MEAK7: variants seen among roughly 807,000 people sequenced by gnomAD.
The protein encoded by MEAK7 is MTOR associated protein MEAK7, also known as MTOR-associated protein MEAK7.
In MEAK7, 68 loss-of-function variants were observed where a neutral mutation model predicts 40.5. The observed-to-expected ratio is 1.68, with a 90% CI of 1.38 to 2.06. The LOEUF is 2.06. Ranked by LOEUF, MEAK7 falls within the 30% of genes most tolerant of loss-of-function variation. The probability of loss-of-function intolerance (pLI) is 0.00; values close to 1 mark genes in which losing one functional copy is unlikely to be tolerated. For synonymous variants in MEAK7, 338 were observed against 231.9 expected (o/e 1.46, Z -4.16); for missense variants, 918 against 580.5 (o/e 1.58, Z -5.98).
Position 84,479,762 on chromosome 16 carries a change from G to A in MEAK7, c.*151C>T. On this transcript the variant is annotated 3_prime_UTR_variant, in exon 8 of 8. Transcript: ENST00000343629. Reference sequence around the variant, plus strand: ...CATGAGTCAGGACATGGCTTCAGAGGGCGTCTTCTTGGCACATGTGGGACT... The same window carrying A: ...CATGAGTCAGGACATGGCTTCAGAGAGCGTCTTCTTGGCACATGTGGGACT... 2.2e-6 allele frequency: 1 copy of A among 461,292 alleles called. No individual in the cohort carries two copies. The highest frequency in any genetic ancestry group is 3.9e-6 in the Non-Finnish European group (1 of 259,608). 28.6% of individuals were successfully genotyped at this position (461,292 alleles called of 1,614,324 possible). A position where few individuals can be genotyped will look rare whatever the true frequency, so the allele number is the denominator to read the frequency against.
intron 5 of MEAK7, among the ~76,000 whole-genome samples, 157 bp from the exon 6 acceptor site, chr16:84,482,867 T>C (rs1912700937): frequency 6.6e-6 from 1 of 152,112 alleles, no homozygotes; most frequent in African/African-American, 2.4e-5. Flanking sequence ...GACAAGCTGC[T>C]AGGGACCCAG....
chr16:84,503,988 C>A, intron 1 of MEAK7: 1 of 985,556 alleles, frequency 1.0e-6, no homozygotes, highest in East Asian at 1.1e-4. Flanking sequence ...CCAACTGCCT[C>A]ATCTGGACAG....
rs1913999191 is a variant in MEAK7 at position 84,495,852 on chromosome 16, C to G, written c.215G>C (p.Arg72Thr). 1.9e-6 allele frequency: 3 copies of G among 1,613,984 alleles called. No homozygotes were observed. Among genetic ancestry groups the G allele is most frequent in the Non-Finnish European group, 2.5e-6 (3 of 1,180,032 alleles). Residue 72 changes from arginine (R) to threonine (T), a missense_variant, in exon 3 of 8, where the codon AGG becomes ACG. Physicochemically the swap from Arg to Thr is moderately conservative, Grantham distance 71. Transcript: ENST00000343629. ...MVTRLYDGMR[R>T]VDLTGKAKGP... ...CTTCGCCTTCCCTGTCAGGTCGACCCTCCGCATGCCATCATACAGCCTGGT... is the reference window on the plus strand; with the variant it reads ...CTTCGCCTTCCCTGTCAGGTCGACCGTCCGCATGCCATCATACAGCCTGGT...
At position 84,482,607 on chromosome 16, in the gene MEAK7, C is replaced by T. The variant is rs756537974; in HGVS notation, c.1062G>A (p.Thr354=). ...HYMYLNHGQQ[T]IPNGLGMGGQ... ...CCGGGCTCACCAGTCCGTTCGGGATCGTCTGCTGTCCATGGTTCAAGTACA... is the reference window on the plus strand; with the variant it reads ...CCGGGCTCACCAGTCCGTTCGGGATTGTCTGCTGTCCATGGTTCAAGTACA... Residue 354 remains threonine (T), a synonymous_variant, in exon 6 of 8, where the codon ACG becomes ACA. Coordinates refer to ENST00000343629, the MANE Select transcript of MEAK7 (RefSeq NM_020947.4). 13 of 1,614,124 alleles carry T rather than the reference C, an allele frequency of 8.1e-6. No individual in the cohort carries two copies. Among genetic ancestry groups the T allele is most frequent in the Admixed American group, 1.7e-5 (1 of 60,012 alleles).
At chr16:84,499,807 C>T (rs1292156287) in intron 1 of MEAK7, 2 of 152,202 alleles carry the variant, frequency 1.3e-5, no homozygotes, top group Admixed American at 6.5e-5. Flanking sequence ...GAGGCCAAGG[C>T]AGGAGAATCA....
rs920070209 is a variant in MEAK7 at position 84,486,539 on chromosome 16, G to A, written c.958+92C>T. 118 of 1,493,876 alleles carry A rather than the reference G, an allele frequency of 7.9e-5. 5 individuals are homozygous for A. The South Asian group carries it at 1.1e-3, about 14-fold the overall frequency. The allele number at this position is 1,493,876 out of a possible 1,614,324, so 92.5% of individuals were successfully genotyped here. ...AGAGAAACACTTGGAGAAGATGGGAGAGCCCTATTTAGCACCCCCACCCTC... is the reference window on the plus strand; with the variant it reads ...AGAGAAACACTTGGAGAAGATGGGAAAGCCCTATTTAGCACCCCCACCCTC... On this transcript the variant is annotated intron_variant, in intron 5 of 7. Transcript: ENST00000343629.
intron 3 of MEAK7, chr16:84,494,858 A>G (rs1165090982): frequency 6.7e-6 from 3 of 451,024 alleles, no homozygotes; most frequent in South Asian, 3.2e-5. Context: ...GGAAAAAATA[A>G]AAACTCAGGA....
chr16:84,504,532 C>T, intron 1 of MEAK7, 69 bp downstream of exon 1: 2 of 942,370 alleles, frequency 2.1e-6, no homozygotes, highest in Non-Finnish European at 2.5e-6. Context: ...CCGTCTGCTC[C>T]AGTCCCCCGA....
intron 4 of MEAK7, 125 bp from the exon 5 acceptor site, chr16:84,487,184 C>T: frequency 1.2e-5 from 11 of 914,712 alleles, no homozygotes; most frequent in Non-Finnish European, 1.7e-5. Context: ...GAAAACAGGG[C>T]TCGTGTGAAT....
Position 84,487,027 on chromosome 16 carries a change from C to A in MEAK7, c.562G>T (p.Asp188Tyr), listed in dbSNP as rs1193430994. ...ATCACAGCTCGGTCACAGTCATAGT[C>A]CAGCCACTGGGGCCCCAGAAGTCTC... ...GKRLLGPQWL[D>Y]YDCDRAVIED... is the part of the protein sequence containing the mutation. Residue 188 changes from aspartate to tyrosine, a missense_variant, in exon 5 of 8, where the codon GAC (aspartate) becomes TAC (tyrosine). Physicochemically the swap from Asp to Tyr is radical, Grantham distance 160. Coordinates refer to ENST00000343629, the MANE Select transcript of MEAK7 (RefSeq NM_020947.4). The A allele has an allele frequency of 1.2e-6, 2 of 1,613,490 alleles. No homozygotes were observed. The highest frequency in any genetic ancestry group is 2.7e-5 in the African/African-American group (2 of 74,998).
chr16:84,497,866 G>A, intron 2 of MEAK7, 68 bp downstream of exon 2: 1 of 1,598,086 alleles, frequency 6.3e-7, no homozygotes, highest in African/African-American at 1.3e-5. Context: ...AGCAGATTCT[G>A]GCCTGAAAGC....
chr16:84,486,695 GTCC>G lies in MEAK7; in HGVS notation c.891_893del (p.Glu297del), dbSNP rs1913091097. ...ACCCACCGAACACATGCTTGTCATG[GTCC>G]TCGAGGACAGCCACACAGGGTCCCC... is the stretch of plus-strand genomic sequence containing the variant. On this transcript the variant is annotated inframe_deletion, in exon 5 of 8. Coordinates refer to ENST00000343629, the MANE Select transcript of MEAK7 (RefSeq NM_020947.4). 2 of 1,614,016 alleles carry G rather than the reference GTCC, an allele frequency of 1.2e-6. No individual in the cohort carries two copies. The highest frequency in any genetic ancestry group is 2.7e-5 in the African/African-American group (2 of 74,896).
At position 84,477,310 on chromosome 16, in the gene MEAK7, G is replaced by A. The variant is rs909075478; in HGVS notation, c.*2603C>T. ...TGGTTCAAGCAATTCTACTACCTCAGCCTCCTGAGTAGCTGAGATTACAGG... is the reference window on the plus strand; with the variant it reads ...TGGTTCAAGCAATTCTACTACCTCAACCTCCTGAGTAGCTGAGATTACAGG... On this transcript the variant is annotated 3_prime_UTR_variant, in exon 8 of 8. Transcript: ENST00000343629. 6.6e-6 allele frequency: 1 copy of A among 152,278 alleles called. No individual in the cohort carries two copies. The highest frequency in any genetic ancestry group is 6.6e-5 in the Admixed American group (1 of 15,248). The allele number at this position is 152,278 out of a possible 1,614,324, so 9.4% of individuals were successfully genotyped here.
intron 3 of MEAK7, among the ~76,000 whole-genome samples, chr16:84,493,028 T>C (rs1913753574): frequency 6.6e-6 from 1 of 152,216 alleles, no homozygotes; most frequent in Non-Finnish European, 1.5e-5. Context: ...TATAATACAA[T>C]CATACAGGAA....
intron 3 of MEAK7, among the ~76,000 whole-genome samples, chr16:84,490,974 T>TA (rs1287477450): frequency 3.8e-4 from 16 of 42,566 alleles, no homozygotes; most frequent in Admixed American, 3.5e-3. Flanking sequence ...TCTCAGCTCT[T>TA]AAGCTGCTTT....
At position 84,489,354 on chromosome 16, in the gene MEAK7, A is replaced by T; in HGVS notation, c.453T>A (p.Thr151=). ...GGTTGGGCCCTGGGGCTTCCTTCCC[A>T]GTCCAGCCTCTCAGCTCCTGTCTGT... ...LSHRQELRGW[T]GKEAPGPNPR... is the part of the protein sequence containing the mutation. Residue 151 remains threonine, a synonymous_variant, in exon 4 of 8, where the codon ACT becomes ACA. Coordinates refer to ENST00000343629, the MANE Select transcript of MEAK7 (RefSeq NM_020947.4). 6.2e-7 allele frequency: 1 copy of T among 1,614,202 alleles called. No homozygotes were observed. The highest frequency in any genetic ancestry group is 8.5e-7 in the Non-Finnish European group (1 of 1,180,048).
chr16:84,499,182 C>T (rs912171894), intron 1 of MEAK7, among the ~76,000 whole-genome samples: 2 of 152,146 alleles, frequency 1.3e-5, no homozygotes, highest in African/African-American at 4.8e-5. Context: ...TAGGAAAAGA[C>T]AAGTGTCAAG....
intron 2 of MEAK7, 189 bp downstream of exon 2, chr16:84,497,745 G>A: frequency 1.5e-6 from 2 of 1,328,674 alleles, no homozygotes; most frequent in Non-Finnish European, 2.1e-6. Flanking sequence ...CAGAGCAGAG[G>A]AGCTACAACA....
chr16:84,496,850 A>G (rs1409735338), intron 2 of MEAK7, among the ~76,000 whole-genome samples: 1 of 151,996 alleles, frequency 6.6e-6, no homozygotes, highest in Non-Finnish European at 1.5e-5. Flanking sequence ...TACTTTGAAC[A>G]TCATCTTCAT....
Sources: allele counts gnomAD v4.1 joint callset (sites outside exome capture counted in the v4.1 genomes callset), GRCh38; gene constraint gnomAD v4.1.1; transcripts MANE v1.5; gene names NCBI Gene and HGNC (gene_info 2026-07-23, HGNC 2026-07-21).